SDC2: variants seen among roughly 807,000 people sequenced by gnomAD.
SDC2 encodes syndecan 2.
In SDC2, 13 loss-of-function variants were observed where a neutral mutation model predicts 22.2. That is an observed-to-expected ratio of 0.59 (90% CI 0.38 to 0.93). The LOEUF is 0.93. Ranked by LOEUF, SDC2 falls within the 40% of genes least tolerant of loss-of-function variation. The pLI, the probability that SDC2 is intolerant of heterozygous loss-of-function variation, is 0.00. For missense variants in SDC2, 235 were observed against 246.8 expected, an observed-to-expected ratio of 0.95 and a Z score of 0.32; for synonymous variants, 94 against 92.8, an observed-to-expected ratio of 1.01 and a Z score of -0.07.
At chr8:96,553,419 C>T (rs1028655095) in intron 1 of SDC2, among the ~76,000 whole-genome samples, 2 of 149,064 alleles carry the variant, frequency 1.3e-5, no homozygotes. Flanking sequence ...GAAGTTAATA[C>T]ATTTTAAGAT....
chr8:96,517,599 C>T (rs1055371973), intron 1 of SDC2, among the ~76,000 whole-genome samples: 2 of 151,956 alleles, frequency 1.3e-5, no homozygotes, highest in African/African-American at 4.8e-5. Flanking sequence ...TATTCTTTCC[C>T]CGTTGAATTC....
intron 1 of SDC2, among the ~76,000 whole-genome samples, chr8:96,534,084 T>C (rs1168544133): frequency 6.6e-6 from 1 of 152,094 alleles, no homozygotes; most frequent in Non-Finnish European, 1.5e-5. Flanking sequence ...GGGCCGGCGG[T>C]GCCCACTGGC....
At chr8:96,520,824 G>A (rs891865347) in intron 1 of SDC2, among the ~76,000 whole-genome samples, 23 of 152,244 alleles carry the variant, frequency 1.5e-4, no homozygotes, top group African/African-American at 5.3e-4. Flanking sequence ...ATTAACCCTT[G>A]TGCCCCTGGG....
At chr8:96,534,019 G>A (rs1375076571) in intron 1 of SDC2, among the ~76,000 whole-genome samples, 24 of 152,206 alleles carry the variant, frequency 1.6e-4, no homozygotes, top group Admixed American at 1.6e-3. Flanking sequence ...ACTGCTGGGG[G>A]ACCCAGTGCA....
intron 1 of SDC2, among the ~76,000 whole-genome samples, chr8:96,539,429 A>G (rs1171231142): frequency 6.6e-6 from 1 of 152,234 alleles, no homozygotes; most frequent in African/African-American, 2.4e-5. Context: ...TGGATTTTAT[A>G]ATATGTTGAC....
chr8:96,519,988 C>T (rs1417958345), intron 1 of SDC2, among the ~76,000 whole-genome samples: 1 of 152,130 alleles, frequency 6.6e-6, no homozygotes, highest in East Asian at 1.9e-4. Flanking sequence ...ATAATTTATG[C>T]TGCCCACTAA....
chr8:96,568,062 C>T (rs1814330421), intron 1 of SDC2, among the ~76,000 whole-genome samples: 1 of 152,208 alleles, frequency 6.6e-6, no homozygotes, highest in African/African-American at 2.4e-5. Context: ...GGCAGTAAAA[C>T]AAATTCTTGC....
intron 1 of SDC2, among the ~76,000 whole-genome samples, chr8:96,583,866 A>G (rs1180691206): frequency 6.6e-6 from 1 of 152,104 alleles, no homozygotes; most frequent in African/African-American, 2.4e-5. Flanking sequence ...AAACTAATAT[A>G]TCATGCATAA....
chr8:96,517,269 T>C (rs73271674), intron 1 of SDC2, among the ~76,000 whole-genome samples: 2,404 of 152,340 alleles, frequency 0.016, 60 homozygotes, highest in African/African-American at 0.055. Context: ...TTCAGATGTC[T>C]ATTCTGTGGG....
chr8:96,517,510 G>A (rs1813419885), intron 1 of SDC2, among the ~76,000 whole-genome samples: 2 of 152,124 alleles, frequency 1.3e-5, no homozygotes, highest in African/African-American at 2.4e-5. Flanking sequence ...TTTTGCATAT[G>A]TTGTGGGGTT....
At chr8:96,523,794 A>G (rs1272880211) in intron 1 of SDC2, among the ~76,000 whole-genome samples, 1 of 152,250 alleles carries the variant, frequency 6.6e-6, no homozygotes, top group African/African-American at 2.4e-5. Context: ...ATTTTTTTTC[A>G]AAGATAATTG....
At chr8:96,538,050 C>A (rs1407006170) in intron 1 of SDC2, among the ~76,000 whole-genome samples, 1 of 152,236 alleles carries the variant, frequency 6.6e-6, no homozygotes, top group East Asian at 1.9e-4. Flanking sequence ...GCAACCTCCA[C>A]ATCCCAGGTT....
intron 1 of SDC2, among the ~76,000 whole-genome samples, chr8:96,535,006 A>AT (rs774258378): frequency 0.04 from 5,705 of 142,728 alleles, 326 homozygotes; most frequent in African/African-American, 0.13. Context: ...ATGCCAAACA[A>AT]TTTTTTTTTT....
intron 1 of SDC2, among the ~76,000 whole-genome samples, chr8:96,581,370 T>G (rs961863516): frequency 6.6e-6 from 1 of 152,214 alleles, no homozygotes; most frequent in African/African-American, 2.4e-5. Flanking sequence ...GGCTCACGCC[T>G]GTAATCCCAG....
At chr8:96,573,807 A>T (rs953539884) in intron 1 of SDC2, among the ~76,000 whole-genome samples, 7 of 152,126 alleles carry the variant, frequency 4.6e-5, no homozygotes, top group South Asian at 2.1e-4. Context: ...CTCCTTGAAC[A>T]TCCCTCATTT....
Position 96,575,315 on chromosome 8 carries a change from C to G in SDC2, c.61-18165C>G, listed in dbSNP as rs74703387. On this transcript the variant is annotated intron_variant, in intron 1 of 4. Transcript: ENST00000302190. The stretch of plus-strand genomic sequence containing the variant: ...AAAAAACCTGAAAGAATTGTGAGAT[C>G]CACCTGGTAGGTGTCTTGTAAATAC... Among the ~76,000 whole-genome samples, 1,260 of 150,984 alleles carry G rather than the reference C, an allele frequency of 8.3e-3. 16 individuals carry two copies. The highest frequency in any genetic ancestry group is 0.029 in the African/African-American group (1,176 of 40,994).
At chr8:96,518,354 T>C (rs1813439370) in intron 1 of SDC2, among the ~76,000 whole-genome samples, 1 of 137,386 alleles carries the variant, frequency 7.3e-6, no homozygotes, top group Non-Finnish European at 1.6e-5. Flanking sequence ...CTGCCTTACC[T>C]TGAGAGGTTT....
At chr8:96,590,564 T>C (rs1363382427) in intron 1 of SDC2, among the ~76,000 whole-genome samples, 1 of 152,164 alleles carries the variant, frequency 6.6e-6, no homozygotes. Context: ...GCATGTTCAT[T>C]CCAGAAACCT....
chr8:96,494,508 G>T (rs2130404698), intron 1 of SDC2, among the ~76,000 whole-genome samples, 177 bp downstream of exon 1: 1 of 152,344 alleles, frequency 6.6e-6, no homozygotes, highest in African/African-American at 2.4e-5. Context: ...CCCTTCCTCA[G>T]AAAAGCGCTG....
Sources: allele counts gnomAD v4.1 joint callset (sites outside exome capture counted in the v4.1 genomes callset), GRCh38; gene constraint gnomAD v4.1.1; transcripts MANE v1.5; gene names NCBI Gene and HGNC (gene_info 2026-07-23, HGNC 2026-07-21).